The following RIMS2 variants were observed in gnomAD, a reference collection of about 807,000 sequenced individuals.
The protein encoded by RIMS2 is regulating synaptic membrane exocytosis 2, also known as regulating synaptic membrane exocytosis protein 2.
Under a neutral mutation model 174.4 loss-of-function variants are expected in RIMS2, and 59 were observed. The ratio of observed to expected loss-of-function variants is 0.34; its 90% confidence interval spans 0.27 to 0.42. RIMS2 has a LOEUF of 0.42. Ranked by LOEUF, RIMS2 falls within the 10% of genes least tolerant of loss-of-function variation. The pLI is 1.00. For missense variants in RIMS2, 1,620 were observed against 1,666.3 expected, an observed-to-expected ratio of 0.97 and a Z score of 0.48; for synonymous variants, 606 against 572.5, an observed-to-expected ratio of 1.06 and a Z score of -0.84.
At chr8:103,635,914 A>G (rs2096064315) in intron 1 of RIMS2, among the ~76,000 whole-genome samples, 1 of 151,762 alleles carries the variant, frequency 6.6e-6, no homozygotes, top group African/African-American at 2.4e-5. Flanking sequence ...GAGCTTGGGC[A>G]GGGGGTAGTT....
At chr8:103,727,815 G>A (rs1268230165) in intron 2 of RIMS2, among the ~76,000 whole-genome samples, 1 of 152,096 alleles carries the variant, frequency 6.6e-6, no homozygotes, top group African/African-American at 2.4e-5. Flanking sequence ...TTTTATGTTA[G>A]TACTGTGCTG....
intron 1 of RIMS2, among the ~76,000 whole-genome samples, chr8:103,661,756 T>C (rs10091859): frequency 0.18 from 26,928 of 152,198 alleles, 2,593 homozygotes; most frequent in African/African-American, 0.24. Flanking sequence ...TCTGCCCGCT[T>C]GGTCTCCCAA....
At chr8:104,027,977 C>T (rs1008014970) in intron 19 of RIMS2, among the ~76,000 whole-genome samples, 18 of 152,058 alleles carry the variant, frequency 1.2e-4, no homozygotes, top group Non-Finnish European at 7.4e-5. Context: ...GTCACTCAGG[C>T]TGGAGTGGAA....
rs550329882 is a variant in RIMS2, at chr8:104,190,080, A to T, written c.3335-54836A>T. 9.2e-5 allele frequency among the ~76,000 whole-genome samples: 14 copies of T among 152,078 alleles called. No homozygotes were observed. The South Asian group carries it at 2.9e-3, about 32-fold the overall frequency. On this transcript the variant is annotated intron_variant, in intron 19 of 23. Transcript: ENST00000504942. Reference sequence around the variant, plus strand: ...ACACTTTGGGAGGCTGAGGGGGAGGATTACTTGAGGCCAGAAGTTCAAGAC... The same window carrying T: ...ACACTTTGGGAGGCTGAGGGGGAGGTTTACTTGAGGCCAGAAGTTCAAGAC...
chr8:104,186,049 T>C (rs376926287), intron 19 of RIMS2, among the ~76,000 whole-genome samples: 17 of 151,694 alleles, frequency 1.1e-4, no homozygotes, highest in African/African-American at 3.9e-4. Flanking sequence ...GGACCACTAT[T>C]CAGCCATAAA....
At chr8:104,071,443 G>T (rs1337490309) in intron 19 of RIMS2, among the ~76,000 whole-genome samples, 1 of 151,930 alleles carries the variant, frequency 6.6e-6, no homozygotes, top group South Asian at 2.1e-4. Context: ...GTGTTTGTTT[G>T]TTTGTTTTTG....
intron 3 of RIMS2, among the ~76,000 whole-genome samples, chr8:103,874,682 T>C (rs1288082079): frequency 6.6e-6 from 1 of 152,108 alleles, no homozygotes; most frequent in South Asian, 2.1e-4. Flanking sequence ...GAGGAATTTA[T>C]GTTAAAAACA....
chr8:104,134,665 C>G (rs1004417717), intron 19 of RIMS2, among the ~76,000 whole-genome samples: 2 of 152,168 alleles, frequency 1.3e-5, no homozygotes, highest in Admixed American at 1.3e-4. Flanking sequence ...TGATTAGGCA[C>G]AAATAAGATT....
chr8:104,124,469 T>C (rs1208531229), intron 19 of RIMS2, among the ~76,000 whole-genome samples: 1 of 152,112 alleles, frequency 6.6e-6, no homozygotes, highest in African/African-American at 2.4e-5. Context: ...TGTTAGCCTC[T>C]ACCAGGGTTC....
At chr8:104,119,318 G>A (rs986893694) in intron 19 of RIMS2, among the ~76,000 whole-genome samples, 9 of 151,856 alleles carry the variant, frequency 5.9e-5, no homozygotes, top group African/African-American at 1.5e-4. Context: ...CCGAGATCGC[G>A]CCATTGCACT....
At chr8:104,127,685 C>T (rs578250324) in intron 19 of RIMS2, among the ~76,000 whole-genome samples, 1 of 151,622 alleles carries the variant, frequency 6.6e-6, no homozygotes, top group South Asian at 2.1e-4. Flanking sequence ...TTAAAACTAG[C>T]AAAGCACTTA....
rs1370697504 is a variant in RIMS2, at chr8:104,069,863, G to A, written c.3334+55248G>A. Among the ~76,000 whole-genome samples, 4 of 152,138 alleles carry A rather than the reference G, an allele frequency of 2.6e-5. No homozygotes were observed. In the South Asian group the frequency reaches 6.2e-4, roughly 24 times the overall value. ...CAAAGTCATGAAAATACTTTGTTCT[G>A]ATATAGCTATTGAAGATTTAATAAA... On this transcript the variant is annotated intron_variant, in intron 19 of 23. Transcript: ENST00000504942.
chr8:104,052,648 A>G (rs1025189666), intron 19 of RIMS2, among the ~76,000 whole-genome samples: 1 of 152,174 alleles, frequency 6.6e-6, no homozygotes, highest in African/African-American at 2.4e-5. Context: ...TAATGATTAT[A>G]GGAGAAGAAT....
intron 1 of RIMS2, among the ~76,000 whole-genome samples, chr8:103,623,516 G>C (rs1269377030): frequency 2.6e-4 from 29 of 109,610 alleles, no homozygotes; most frequent in South Asian, 8.6e-4. Context: ...ACGGAGTCTC[G>C]CTCTGTCGCC....
chr8:104,222,349 A>T (rs187382507), intron 19 of RIMS2, among the ~76,000 whole-genome samples: 1 of 152,336 alleles, frequency 6.6e-6, no homozygotes, highest in Admixed American at 6.5e-5. Flanking sequence ...TGAATCTTTC[A>T]GCATATCAAG....
At chr8:103,548,927 A>AAAAAG (rs1450179709) in intron 1 of RIMS2, among the ~76,000 whole-genome samples, 1 of 152,200 alleles carries the variant, frequency 6.6e-6, no homozygotes, top group Non-Finnish European at 1.5e-5. Flanking sequence ...GAGTAACCAC[A>AAAAAG]AAAAGAATAA....
At chr8:104,194,769 T>C (rs1368218434) in intron 19 of RIMS2, among the ~76,000 whole-genome samples, 2 of 152,172 alleles carry the variant, frequency 1.3e-5, no homozygotes, top group Non-Finnish European at 2.9e-5. Flanking sequence ...TACTCTGACC[T>C]AGAGAGACTG....
intron 19 of RIMS2, among the ~76,000 whole-genome samples, chr8:104,182,512 G>T (rs1422364946): frequency 1.3e-5 from 2 of 151,606 alleles, no homozygotes; most frequent in Admixed American, 1.3e-4. Flanking sequence ...ATACCCTTTA[G>T]CTATTCCTCC....
intron 14 of RIMS2, among the ~76,000 whole-genome samples, chr8:103,959,070 A>C (rs1278798588): frequency 1.3e-5 from 2 of 152,188 alleles, no homozygotes; most frequent in African/African-American, 4.8e-5. Context: ...TACAGAAGCA[A>C]CTGCAACTGA....
Sources: gnomAD v4.1 joint callset for allele counts (sites outside exome capture counted in the v4.1 genomes callset) on GRCh38, gnomAD v4.1.1 for gene constraint, MANE v1.5 for transcripts, NCBI Gene and HGNC (gene_info 2026-07-23, HGNC 2026-07-21) for gene names.